The following ACTR3C variants were observed in gnomAD, a reference collection of about 807,000 sequenced individuals.
ACTR3C encodes the protein actin-related protein 3C.
Under a neutral mutation model 26.3 loss-of-function variants are expected in ACTR3C, and 18 were observed. That is an observed-to-expected ratio of 0.68 (90% CI 0.47 to 1.01). The LOEUF is 1.01. Ranked by LOEUF, ACTR3C falls within the 50% of genes least tolerant of loss-of-function variation. The probability of loss-of-function intolerance (pLI) is 0.00; values close to 1 mark genes in which losing one functional copy is unlikely to be tolerated. For synonymous variants in ACTR3C, 55 were observed against 94.5 expected (o/e 0.58, Z 2.42); for missense variants, 184 against 250.7 (o/e 0.73, Z 1.80).
the ACTR3C span, among the ~76,000 whole-genome samples, chr7:150,188,352 C>T: frequency 3.3e-5 from 5 of 151,354 alleles, no homozygotes; most frequent in East Asian, 1.9e-4. Flanking sequence ...TTTGTTCATC[C>T]GCTCACCTGT....
the ACTR3C span, among the ~76,000 whole-genome samples, chr7:149,972,668 G>A: frequency 6.6e-6 from 1 of 152,220 alleles, no homozygotes; most frequent in Admixed American, 6.5e-5. Flanking sequence ...CTCTGTCAAA[G>A]ATCATTTTCT....
chr7:150,199,058 G>A, the ACTR3C span, among the ~76,000 whole-genome samples: 4 of 148,280 alleles, frequency 2.7e-5, no homozygotes, highest in African/African-American at 7.9e-5. Flanking sequence ...GCCCCTACTG[G>A]GAAGTGAGGA....
chr7:149,937,745 G>A, the ACTR3C span, among the ~76,000 whole-genome samples: 10 of 152,158 alleles, frequency 6.6e-5, no homozygotes, highest in Admixed American at 3.3e-4. Flanking sequence ...GGGAGGGTCC[G>A]GGTGCGGGGA....
the ACTR3C span, among the ~76,000 whole-genome samples, chr7:149,992,621 G>A: frequency 2.6e-5 from 4 of 152,306 alleles, no homozygotes; most frequent in Middle Eastern, 3.4e-3. Context: ...AGGAGACTGC[G>A]ATTCCAGAAA....
the ACTR3C span, among the ~76,000 whole-genome samples, chr7:149,888,899 T>C: frequency 1.3e-5 from 2 of 151,876 alleles, no homozygotes. Context: ...TCCCAGCTAC[T>C]TGGGAGGCTG....
the ACTR3C span, among the ~76,000 whole-genome samples, chr7:150,039,439 TC>T: frequency 3.8e-4 from 7 of 18,638 alleles, 1 homozygote; most frequent in South Asian, 1.7e-3. Flanking sequence ...CGGGGGTGCC[TC>T]CCCCCCTGCG....
the ACTR3C span, among the ~76,000 whole-genome samples, chr7:150,000,130 G>A: frequency 6.6e-6 from 1 of 151,548 alleles, no homozygotes; most frequent in East Asian, 1.9e-4. Flanking sequence ...TTCTCCCACT[G>A]TTTTCACTTA....
the ACTR3C span, among the ~76,000 whole-genome samples, chr7:149,981,314 C>G: frequency 2.0e-5 from 3 of 151,982 alleles, no homozygotes; most frequent in Admixed American, 1.3e-4. Flanking sequence ...GATGCAGCAG[C>G]AAGTGAGCCA....
the ACTR3C span, among the ~76,000 whole-genome samples, chr7:150,134,087 A>G: frequency 2.4e-4 from 37 of 152,302 alleles, no homozygotes; most frequent in Non-Finnish European, 4.4e-4. Flanking sequence ...ATTTTGTTCC[A>G]TACTTCTACT....
the ACTR3C span, among the ~76,000 whole-genome samples, chr7:150,080,173 GCTAAT>G: frequency 6.6e-6 from 1 of 151,598 alleles, no homozygotes; most frequent in Admixed American, 6.6e-5. Flanking sequence ...GAGACTCTAG[GCTAAT>G]CTTTTAATGT....
the ACTR3C span, among the ~76,000 whole-genome samples, chr7:150,134,108 TG>T: frequency 6.6e-6 from 1 of 152,206 alleles, no homozygotes; most frequent in Non-Finnish European, 1.5e-5. Context: ...CATAGTATTT[TG>T]TTTTTATAAT....
chr7:149,987,194 G>GAAA, the ACTR3C span, among the ~76,000 whole-genome samples: 1 of 150,412 alleles, frequency 6.6e-6, no homozygotes. Context: ...CCTACCAGAG[G>GAAA]AAAAAAAAAT....
At chr7:149,911,476 A>G in the ACTR3C span, among the ~76,000 whole-genome samples, 4 of 152,092 alleles carry the variant, frequency 2.6e-5, no homozygotes, top group African/African-American at 9.7e-5. Context: ...TCCAGAAATA[A>G]CTGCTGAATG....
At chr7:150,035,501 A>C in the ACTR3C span, among the ~76,000 whole-genome samples, 118 of 109,342 alleles carry the variant, frequency 1.1e-3, 1 homozygote, top group African/African-American at 2.0e-3. Flanking sequence ...GGAAGAGGGG[A>C]TAGCTCTCAG....
At chr7:149,886,988 A>G in the ACTR3C span, among the ~76,000 whole-genome samples, 1 of 152,038 alleles carries the variant, frequency 6.6e-6, no homozygotes, top group African/African-American at 2.4e-5. Context: ...TATGATAAAC[A>G]TAGCAAACCA....
At chr7:150,065,906 A>C in the ACTR3C span, among the ~76,000 whole-genome samples, 1 of 151,308 alleles carries the variant, frequency 6.6e-6, no homozygotes, top group East Asian at 1.9e-4. Flanking sequence ...GAAGGGAAGA[A>C]GATGGAAACA....
At chr7:150,071,273 G>A in the ACTR3C span, among the ~76,000 whole-genome samples, 69 of 150,808 alleles carry the variant, frequency 4.6e-4, no homozygotes, top group Non-Finnish European at 8.8e-4. Flanking sequence ...ACAGGCGCCC[G>A]CCACCGCGCC....
chr7:149,990,627 C>T, the ACTR3C span, among the ~76,000 whole-genome samples: 1 of 139,190 alleles, frequency 7.2e-6, no homozygotes, highest in African/African-American at 2.7e-5. Context: ...GACACATGAA[C>T]ATAAGTTTTG....
the ACTR3C span, among the ~76,000 whole-genome samples, chr7:150,000,084 A>G: frequency 3.3e-5 from 5 of 151,052 alleles, 1 homozygote; most frequent in Admixed American, 3.3e-4. Flanking sequence ...TCTATTATTT[A>G]TAAGATTTGG....
Sources: gnomAD v4.1 joint callset for allele counts (sites outside exome capture counted in the v4.1 genomes callset) on GRCh38, gnomAD v4.1.1 for gene constraint, MANE v1.5 for transcripts, NCBI Gene and HGNC (gene_info 2026-07-23, HGNC 2026-07-21) for gene names.